ALDH1A2: variants seen among roughly 807,000 people sequenced by gnomAD.
The protein encoded by ALDH1A2 is aldehyde dehydrogenase 1 family member A2.
ALDH1A2 carries 27 observed loss-of-function variants against 60.3 expected under a neutral mutation model. That is an observed-to-expected ratio of 0.45 (90% confidence interval 0.33 to 0.62). The LOEUF (loss-of-function observed/expected upper bound fraction) is 0.62. ALDH1A2 is among the 20% of genes least tolerant of loss of function. ALDH1A2 has a pLI of 0.02. For missense variants in ALDH1A2, 581 were observed against 643.8 expected (o/e 0.90, Z 1.06); for synonymous variants, 289 against 232.4 (o/e 1.24, Z -2.21).
intron 1 of ALDH1A2, among the ~76,000 whole-genome samples, chr15:58,015,097 A>T (rs974679522): frequency 6.6e-6 from 1 of 152,176 alleles, no homozygotes; most frequent in East Asian, 1.9e-4. Context: ...GAGAAACCTA[A>T]ACTAATATTT....
At position 58,041,910 on chromosome 15, in the gene ALDH1A2, G is replaced by C. The variant is rs80017359; in HGVS notation, c.117+23624C>G. Among the ~76,000 whole-genome samples the C allele has an allele frequency of 1.8e-3, 273 of 151,982 alleles. 1 individual carries two copies. Among genetic ancestry groups the C allele is most frequent in the Middle Eastern group, 0.01 (3 of 294 alleles). On this transcript the variant is annotated intron_variant, in intron 1 of 12. Coordinates refer to ENST00000249750, the MANE Select transcript of ALDH1A2 (RefSeq NM_003888.4). ...AGAGATTAACAACTAGTAATGAAGT[G>C]AACTCCAACACCATATCGTAGTAAG...
chr15:57,956,428 T>G (rs1356738956), intron 12 of ALDH1A2, among the ~76,000 whole-genome samples: 1 of 152,214 alleles, frequency 6.6e-6, no homozygotes, highest in Non-Finnish European at 1.5e-5. Flanking sequence ...CTGTAAATGA[T>G]TCATTCAGGT....
chr15:58,030,475 G>A (rs1896206112), intron 1 of ALDH1A2, among the ~76,000 whole-genome samples: 1 of 152,056 alleles, frequency 6.6e-6, no homozygotes, highest in Non-Finnish European at 1.5e-5. Context: ...TTTGAAAACT[G>A]GCACAAGACA....
chr15:57,977,047 C>T (rs898837272), intron 7 of ALDH1A2, among the ~76,000 whole-genome samples: 3 of 149,658 alleles, frequency 2.0e-5, no homozygotes, highest in African/African-American at 7.3e-5. Context: ...TTAACGGCCA[C>T]GTCTTCTTTT....
chr15:57,991,828 CA>C (rs1455465815), intron 7 of ALDH1A2, among the ~76,000 whole-genome samples: 1 of 152,142 alleles, frequency 6.6e-6, no homozygotes. Flanking sequence ...ATCCTTTGTT[CA>C]ATGATGATAT....
At position 58,014,206 on chromosome 15, in the gene ALDH1A2, G is replaced by A; in HGVS notation, c.193C>T (p.Gln65Ter). ...TCTGCTTCTTGAACTTCACACACCTGTTCTCCTGTGGCTGGATTATAGACA... is the reference window on the plus strand; with the variant it reads ...TCTGCTTCTTGAACTTCACACACCTATTCTCCTGTGGCTGGATTATAGACA... The part of the protein sequence containing the change: ...FPVYNPATGE[Q>*]VCEVQEADKA... The change falls in exon 2 of 13, where the codon CAG becomes TAG. Residue 65 changes from glutamine to a stop codon, truncating the protein, a stop_gained. Transcript: ENST00000249750. LOFTEE classifies it high-confidence loss of function. The A allele has an allele frequency of 6.2e-7, 1 of 1,614,024 alleles. No homozygotes were observed. The highest frequency in any genetic ancestry group is 8.5e-7 in the Non-Finnish European group (1 of 1,179,964).
Position 57,961,141 on chromosome 15 carries a change from C to T in ALDH1A2, c.1405G>A (p.Val469Ile), listed in dbSNP as rs376959094. 7 of 1,614,050 alleles carry T rather than the reference C, an allele frequency of 4.3e-6. No individual in the cohort carries two copies. The highest frequency in any genetic ancestry group is 2.2e-5 in the South Asian group (2 of 91,066). ...CAAGACTGACTCTGATCTTACCAAACAGTCCCAGCTTGCATTGCAGAAGAC... is the reference window on the plus strand; with the variant it reads ...CAAGACTGACTCTGATCTTACCAAATAGTCCCAGCTTGCATTGCAGAAGAC... The part of the protein sequence containing the change: ...TVSSAMQAGT[V>I]WINCYNALNA... The change falls in exon 11 of 13, where the codon GTT (valine) becomes ATT (isoleucine). Residue 469 changes from valine to isoleucine, a missense_variant. By Grantham distance (29) the Val-to-Ile change is conservative. Transcript: ENST00000249750.
intron 1 of ALDH1A2, among the ~76,000 whole-genome samples, chr15:58,053,710 C>A (rs1896831065): frequency 1.3e-5 from 2 of 152,104 alleles, no homozygotes; most frequent in African/African-American, 4.8e-5. Context: ...AGAATGTGGG[C>A]AAACCTCATT....
intron 4 of ALDH1A2, among the ~76,000 whole-genome samples, chr15:57,999,326 G>C (rs1240395470): frequency 6.6e-6 from 1 of 151,644 alleles, no homozygotes; most frequent in African/African-American, 2.4e-5. Flanking sequence ...GAATCTACAA[G>C]GAATTTAAAC....
intron 4 of ALDH1A2, among the ~76,000 whole-genome samples, chr15:57,999,790 A>G (rs1895197087): frequency 6.6e-6 from 1 of 152,086 alleles, no homozygotes; most frequent in African/African-American, 2.4e-5. Context: ...ACTATTCACA[A>G]TAGCAAAGAC....
At chr15:58,018,796 T>C (rs1331763319) in intron 1 of ALDH1A2, among the ~76,000 whole-genome samples, 8 of 152,134 alleles carry the variant, frequency 5.3e-5, no homozygotes, top group African/African-American at 1.9e-4. Context: ...CTAAAGCATA[T>C]TCCACAAAAT....
intron 4 of ALDH1A2, 89 bp from the exon 5 acceptor site, chr15:57,995,228 A>AAAC (rs1566942229): frequency 2.7e-6 from 2 of 751,950 alleles, no homozygotes; most frequent in Non-Finnish European, 2.2e-6. Flanking sequence ...AAAAAAAAAA[A>AAAC]AAAAAAAACA....
At chr15:57,984,244 G>A (rs1053792085) in intron 7 of ALDH1A2, among the ~76,000 whole-genome samples, 8 of 152,236 alleles carry the variant, frequency 5.3e-5, no homozygotes, top group Middle Eastern at 3.2e-3. Flanking sequence ...TAGGGTTGCT[G>A]TAATAATGTA....
chr15:58,030,015 G>C (rs1276705415), intron 1 of ALDH1A2, among the ~76,000 whole-genome samples: 1 of 152,170 alleles, frequency 6.6e-6, no homozygotes, highest in South Asian at 2.1e-4. Context: ...TAGAAAAAGA[G>C]GGAATCCTCC....
At chr15:58,019,854 T>A (rs566914957) in intron 1 of ALDH1A2, among the ~76,000 whole-genome samples, 1 of 152,220 alleles carries the variant, frequency 6.6e-6, no homozygotes, top group African/African-American at 2.4e-5. Context: ...CTGGGATACA[T>A]GTGCAGGACA....
intron 1 of ALDH1A2, among the ~76,000 whole-genome samples, chr15:58,021,826 G>A (rs1895937253): frequency 6.6e-6 from 1 of 152,254 alleles, no homozygotes; most frequent in Non-Finnish European, 1.5e-5. Context: ...CCCAGTGCTG[G>A]TAGACATGTG....
chr15:58,012,836 C>G (rs1427993810), intron 3 of ALDH1A2, among the ~76,000 whole-genome samples: 5 of 152,018 alleles, frequency 3.3e-5, no homozygotes, highest in African/African-American at 1.2e-4. Context: ...CCAATAGTGA[C>G]CTATTTTCCC....
chr15:58,023,409 C>G (rs1420392022), intron 1 of ALDH1A2, among the ~76,000 whole-genome samples: 3 of 152,070 alleles, frequency 2.0e-5, no homozygotes, highest in Non-Finnish European at 2.9e-5. Flanking sequence ...CTTGCCAAGC[C>G]TAGCAATATT....
Position 58,065,618 on chromosome 15 carries a change from C to G in ALDH1A2, c.33G>C (p.Glu11Asp). The change falls in exon 1 of 13, where the codon GAG becomes GAC. Residue 11 changes from glutamate to aspartate, a missense_variant. By Grantham distance (45) the Glu-to-Asp change is conservative. Coordinates refer to ENST00000249750, the MANE Select transcript of ALDH1A2 (RefSeq NM_003888.4). Reference protein sequence around the residue: MTSSKIEMPGEVKADPAALMA... With the variant: MTSSKIEMPGDVKADPAALMA... Reference sequence around the variant, plus strand: ...TGAGGGCGGCGGGGTCGGCCTTCACCTCGCCGGGCATCTCTATCTTGCTGG... The same window carrying G: ...TGAGGGCGGCGGGGTCGGCCTTCACGTCGCCGGGCATCTCTATCTTGCTGG... 2 of 1,607,858 alleles carry G rather than the reference C, an allele frequency of 1.2e-6. No individual in the cohort carries two copies. The highest frequency in any genetic ancestry group is 1.7e-6 in the Non-Finnish European group (2 of 1,176,802).
Sources: gnomAD v4.1 joint callset for allele counts (sites outside exome capture counted in the v4.1 genomes callset) on GRCh38, gnomAD v4.1.1 for gene constraint, MANE v1.5 for transcripts, NCBI Gene and HGNC (gene_info 2026-07-23, HGNC 2026-07-21) for gene names.